The following OR1L8 variants were observed in gnomAD, a reference collection of about 807,000 sequenced individuals.
OR1L8 encodes the protein olfactory receptor 1L8.
For missense variants in OR1L8, 330 were observed against 377.4 expected (o/e 0.87, Z 1.04); for synonymous variants, 148 against 147.0 (o/e 1.01, Z -0.05).
the OR1L8 span, among the ~76,000 whole-genome samples, chr9:122,554,606 A>C: frequency 1.3e-5 from 2 of 151,898 alleles, no homozygotes; most frequent in Admixed American, 1.3e-4. Flanking sequence ...GAAAACTGTG[A>C]ATTAGGATGC....
the OR1L8 span, chr9:122,553,801 T>C: frequency 1.2e-6 from 2 of 1,614,084 alleles, no homozygotes; most frequent in Non-Finnish European, 1.7e-6. Context: ...GATACCCATG[T>C]AAACGAGCTG....
chr9:122,552,657 T>C, the OR1L8 span, among the ~76,000 whole-genome samples: 1 of 151,758 alleles, frequency 6.6e-6, no homozygotes, highest in Admixed American at 6.6e-5. Context: ...CTGGTTTGAA[T>C]GGGTGAGGTC....
the OR1L8 span, chr9:122,553,069 A>C: frequency 8.6e-6 from 7 of 809,768 alleles, no homozygotes; most frequent in Non-Finnish European, 2.0e-6. Context: ...AGAGATTCTT[A>C]TTGGCAAAGA....
chr9:122,574,431 T>C (rs1829605201), intron 3 of OR1L8, among the ~76,000 whole-genome samples: 2 of 152,164 alleles, frequency 1.3e-5, no homozygotes, highest in Admixed American at 6.5e-5. Flanking sequence ...TTTATGCCAC[T>C]ATTTTATTTT....
In OR1L8 at chr9:122,567,607, T is replaced by G. The variant is rs761238333; in HGVS notation, c.871A>C (p.Ser291Arg). ...LSSMLNPFIY[S>R]LRNKDLKQGL... Reference sequence around the variant, plus strand: ...TGTTTCAGGTCTTTGTTTCTCAGGCTGTAGATAAAAGGATTGAGCATGGAT... The same window carrying G: ...TGTTTCAGGTCTTTGTTTCTCAGGCGGTAGATAAAAGGATTGAGCATGGAT... The change falls in exon 5 of 5, where the codon AGC (serine) becomes CGC (arginine). Residue 291 changes from serine to arginine, a missense_variant. Transcript: ENST00000641027. The G allele has an allele frequency of 6.2e-7, 1 of 1,612,576 alleles. No homozygotes were observed. The highest frequency in any genetic ancestry group is 1.3e-5 in the African/African-American group (1 of 74,940).
At chr9:122,582,193 T>C (rs180880123) in intron 1 of OR1L8, among the ~76,000 whole-genome samples, 2 of 152,332 alleles carry the variant, frequency 1.3e-5, no homozygotes, top group East Asian at 3.9e-4. Context: ...CTGAGAAGTG[T>C]TGCGTTTTTG....
Position 122,567,655 on chromosome 9 carries a change from T to C in OR1L8, c.823A>G (p.Thr275Ala). Residue 275 changes from threonine (T) to alanine (A), a missense_variant, in exon 5 of 5, where the codon ACA becomes GCA. Physicochemically the swap from Thr to Ala is moderately conservative, Grantham distance 58. Coordinates refer to ENST00000641027, the MANE Select transcript of OR1L8 (RefSeq NM_001004454.2). ...STYAVKDHVA[T>A]IVYTVLSSML... is the part of the protein sequence containing the mutation. Reference sequence around the variant, plus strand: ...GATGACAAAACTGTGTAAACAATTGTTGCCACGTGGTCCTTGACAGCGTAG... The same window carrying C: ...GATGACAAAACTGTGTAAACAATTGCTGCCACGTGGTCCTTGACAGCGTAG... The C allele has an allele frequency of 6.2e-7, 1 of 1,614,086 alleles. No individual in the cohort carries two copies. Among genetic ancestry groups the C allele is most frequent in the Non-Finnish European group, 8.5e-7 (1 of 1,179,988 alleles).
chr9:122,550,561 G>GT, the OR1L8 span, among the ~76,000 whole-genome samples: 127 of 149,008 alleles, frequency 8.5e-4, 1 homozygote, highest in Non-Finnish European at 1.2e-3. Context: ...GATCAAGTGG[G>GT]TTTTTTTTTT....
At chr9:122,559,153 CCTGT>C in the OR1L8 span, among the ~76,000 whole-genome samples, 1 of 151,972 alleles carries the variant, frequency 6.6e-6, no homozygotes, top group Non-Finnish European at 1.5e-5. Flanking sequence ...GCTTGTTAAT[CCTGT>C]CTAAGTATAA....
At chr9:122,555,738 T>A in the OR1L8 span, among the ~76,000 whole-genome samples, 1 of 152,154 alleles carries the variant, frequency 6.6e-6, no homozygotes, top group Non-Finnish European at 1.5e-5. Context: ...ACTTTACTCT[T>A]TTAGAGCTGT....
chr9:122,566,385 C>T (rs1473987633), downstream of OR1L8, among the ~76,000 whole-genome samples: 1 of 152,158 alleles, frequency 6.6e-6, no homozygotes. Context: ...CTCCATGTTT[C>T]CCCCTGCCCT....
chr9:122,556,773 T>C, the OR1L8 span, among the ~76,000 whole-genome samples: 1 of 152,232 alleles, frequency 6.6e-6, no homozygotes, highest in African/African-American at 2.4e-5. Context: ...CTGCATTTTG[T>C]TGATATCCAC....
At chr9:122,556,828 T>G in the OR1L8 span, among the ~76,000 whole-genome samples, 1 of 152,228 alleles carries the variant, frequency 6.6e-6, no homozygotes, top group Non-Finnish European at 1.5e-5. Context: ...TTGAATCTAT[T>G]AATCAAGTTG....
downstream of OR1L8, among the ~76,000 whole-genome samples, chr9:122,563,813 T>A (rs367937309): frequency 3.9e-4 from 60 of 152,344 alleles, no homozygotes; most frequent in African/African-American, 1.3e-3. Flanking sequence ...AGAGATCTAG[T>A]TATTCTTTTG....
At chr9:122,551,040 G>C in the OR1L8 span, among the ~76,000 whole-genome samples, 1 of 136,934 alleles carries the variant, frequency 7.3e-6, no homozygotes, top group Non-Finnish European at 1.6e-5. Context: ...TCCTAGATTT[G>C]ATAAATGAAT....
chr9:122,558,653 G>T, the OR1L8 span, among the ~76,000 whole-genome samples: 1 of 150,936 alleles, frequency 6.6e-6, no homozygotes, highest in African/African-American at 2.4e-5. Context: ...TATTAGGTTT[G>T]CCATTACCAA....
rs1829450671 is a variant in OR1L8, at chr9:122,567,575, C to T, written c.903G>A (p.Leu301=). 6.3e-7 allele frequency: 1 copy of T among 1,597,908 alleles called. No homozygotes were observed. The highest frequency in any genetic ancestry group is 1.1e-5 in the South Asian group (1 of 87,438). Reference sequence around the variant, plus strand: ...AGGATCTCTTGCTCATAAGCTTCCTCAGGCCCTGTTTCAGGTCTTTGTTTC... The same window carrying T: ...AGGATCTCTTGCTCATAAGCTTCCTTAGGCCCTGTTTCAGGTCTTTGTTTC... ...SLRNKDLKQG[L]RKLMSKRS is the part of the protein sequence containing the mutation. The change falls in exon 5 of 5, where the codon CTG becomes CTA. Residue 301 remains leucine, a synonymous_variant. Coordinates refer to ENST00000641027, the MANE Select transcript of OR1L8 (RefSeq NM_001004454.2).
chr9:122,565,416 C>A (rs772865509), downstream of OR1L8, among the ~76,000 whole-genome samples: 1 of 152,220 alleles, frequency 6.6e-6, no homozygotes, highest in Non-Finnish European at 1.5e-5. Flanking sequence ...CCACTGTCAT[C>A]GCCCAATGGG....
intron 1 of OR1L8, among the ~76,000 whole-genome samples, chr9:122,578,941 A>T (rs1829702964): frequency 6.7e-6 from 1 of 149,726 alleles, no homozygotes; most frequent in Admixed American, 6.7e-5. Flanking sequence ...CCAAAAACCT[A>T]AAATTAAAAA....
Sources: gnomAD v4.1 joint callset for allele counts (sites outside exome capture counted in the v4.1 genomes callset) on GRCh38, gnomAD v4.1.1 for gene constraint, MANE v1.5 for transcripts, NCBI Gene and HGNC (gene_info 2026-07-23, HGNC 2026-07-21) for gene names.